The following CRLF3 variants were observed in gnomAD, a reference collection of about 807,000 sequenced individuals.
The protein encoded by CRLF3 is cytokine receptor like factor 3, also known as cytokine receptor-like factor 3.
A neutral mutation model predicts 55.0 loss-of-function variants in CRLF3; 33 were observed. That is an observed-to-expected ratio of 0.60 (90% CI 0.46 to 0.80). The LOEUF (loss-of-function observed/expected upper bound fraction) is 0.80. Ranked by LOEUF, CRLF3 falls within the 30% of genes least tolerant of loss-of-function variation. CRLF3 has a pLI of 0.00. For missense variants in CRLF3, 494 were observed against 538.4 expected, an observed-to-expected ratio of 0.92 and a Z score of 0.82; for synonymous variants, 238 against 196.8, an observed-to-expected ratio of 1.21 and a Z score of -1.75.
intron 1 of CRLF3, among the ~76,000 whole-genome samples, chr17:30,822,541 A>G (rs1288773911): frequency 1.3e-5 from 2 of 152,260 alleles, no homozygotes; most frequent in African/African-American, 4.8e-5. Context: ...TCTGAAGCCC[A>G]AGACAATGGG....
chr17:30,824,440 A>C (rs1597937647), intron 1 of CRLF3, 83 bp downstream of exon 1: 2 of 1,357,320 alleles, frequency 1.5e-6, no homozygotes, highest in Non-Finnish European at 2.0e-6. Flanking sequence ...GGACAGTCCC[A>C]CCCCTCAAAG....
chr17:30,788,599 C>CCTTT (rs1473571497), intron 6 of CRLF3, among the ~76,000 whole-genome samples: 3 of 80,036 alleles, frequency 3.7e-5, no homozygotes, highest in African/African-American at 1.7e-4. Context: ...GTAGTGCCTT[C>CCTTT]TTTTTTTTTT....
chr17:30,785,781 T>TA (rs55664579), intron 7 of CRLF3, 138 bp downstream of exon 7: 28,953 of 423,078 alleles, frequency 0.068, no homozygotes, highest in Middle Eastern at 0.083. Flanking sequence ...GACTTCATAA[T>TA]AAAAAAAAAA....
In CRLF3 at chr17:30,784,008, A is replaced by AT. The variant is rs1971570761; in HGVS notation, c.*178dup. 7.0e-6 allele frequency: 4 copies of AT among 568,870 alleles called. No individual in the cohort carries two copies. In the South Asian group the frequency reaches 7.3e-5, roughly 10 times the overall value. 35.2% of individuals were successfully genotyped at this position (568,870 alleles called of 1,614,324 possible). Reference sequence around the variant, plus strand: ...AAAATAAAATTGACTGAATTGTATGATTTTGTCCACAACATTGAAGTCTCT... The same window carrying AT: ...AAAATAAAATTGACTGAATTGTATGATTTTTGTCCACAACATTGAAGTCTCT... On this transcript the variant is annotated 3_prime_UTR_variant, in exon 8 of 8. Coordinates refer to ENST00000324238, the MANE Select transcript of CRLF3 (RefSeq NM_015986.4).
chr17:30,817,772 G>A (rs1008293467), intron 1 of CRLF3, among the ~76,000 whole-genome samples: 2 of 151,472 alleles, frequency 1.3e-5, no homozygotes, highest in African/African-American at 4.9e-5. Context: ...TGGGTGTGGT[G>A]GCAGGCGCCT....
chr17:30,809,634 CA>C (rs764678189), intron 1 of CRLF3: 5 of 152,118 alleles, frequency 3.3e-5, no homozygotes, highest in Admixed American at 6.6e-5. Context: ...TTCATTACAC[CA>C]TGCTGTTTTG....
chr17:30,789,024 C>CTTATGCATGGAGTCCCCCTTGCATTCACA (rs1971720462), intron 6 of CRLF3, among the ~76,000 whole-genome samples: 2 of 152,146 alleles, frequency 1.3e-5, no homozygotes, highest in Admixed American at 6.6e-5. Context: ...CCCTTATGCC[C>CTTATGCATGGAGTCCCCCTTGCATTCACA]TTATGCATGG....
chr17:30,803,161 G>C (rs1182094566), intron 2 of CRLF3, among the ~76,000 whole-genome samples: 1 of 145,334 alleles, frequency 6.9e-6, no homozygotes, highest in Non-Finnish European at 1.5e-5. Context: ...CAAAACCCCT[G>C]TGTCAAAAAA....
chr17:30,795,450 C>T (rs1971899027), intron 4 of CRLF3, among the ~76,000 whole-genome samples: 2 of 149,298 alleles, frequency 1.3e-5, no homozygotes, highest in Admixed American at 1.4e-4. Flanking sequence ...GAGCCAAGAT[C>T]GTGCCATTGT....
intron 1 of CRLF3, among the ~76,000 whole-genome samples, chr17:30,808,268 A>C (rs1597927470): frequency 7.2e-6 from 1 of 138,614 alleles, no homozygotes; most frequent in African/African-American, 2.7e-5. Context: ...CTCCTCCCCT[A>C]GAACCTATAT....
At chr17:30,788,397 A>C (rs1005605331) in intron 6 of CRLF3, among the ~76,000 whole-genome samples, 2 of 151,570 alleles carry the variant, frequency 1.3e-5, no homozygotes, top group African/African-American at 4.8e-5. Flanking sequence ...CTTAGAAGCA[A>C]GGAAAGAGCA....
intron 7 of CRLF3, among the ~76,000 whole-genome samples, chr17:30,785,667 G>A (rs564042432): frequency 4.0e-5 from 6 of 151,702 alleles, no homozygotes; most frequent in South Asian, 2.1e-4. Context: ...CTGTAGTCCC[G>A]GCTACTCAGG....
chr17:30,809,659 CT>C (rs554751128), intron 1 of CRLF3: 3 of 151,486 alleles, frequency 2.0e-5, no homozygotes, highest in South Asian at 2.1e-4. Context: ...TTACAGGACA[CT>C]TTTTTTTTGA....
At chr17:30,790,108 C>A (rs530402718) in intron 6 of CRLF3, among the ~76,000 whole-genome samples, 2 of 152,030 alleles carry the variant, frequency 1.3e-5, no homozygotes, top group East Asian at 1.9e-4. Context: ...ATCTGACAAC[C>A]GCTGACAATT....
chr17:30,797,404 A>T lies in CRLF3; in HGVS notation c.338-6T>A. On this transcript the variant is annotated splice_region_variant and splice_polypyrimidine_tract_variant and intron_variant, in intron 2 of 7. Coordinates refer to ENST00000324238, the MANE Select transcript of CRLF3 (RefSeq NM_015986.4). ...ACCAAGCATGGCGATTTCACCTACA[A>T]TCAAGAATAAGAGAACTAGAACAAT... 1.9e-6 allele frequency: 3 copies of T among 1,606,914 alleles called. No homozygotes were observed. Among genetic ancestry groups the T allele is most frequent in the Non-Finnish European group, 2.6e-6 (3 of 1,173,470 alleles).
At position 30,793,564 on chromosome 17, in the gene CRLF3, G is replaced by A; in HGVS notation, c.712C>T (p.His238Tyr). The change falls in exon 5 of 8, where the codon CAC (histidine) becomes TAC (tyrosine). Residue 238 changes from histidine to tyrosine, a missense_variant. Physicochemically the swap from His to Tyr is moderately conservative, Grantham distance 83. Transcript: ENST00000324238. The stretch of plus-strand genomic sequence containing the variant: ...TGGTAATCAACGTTGGGGTCTATGT[G>A]CAATACTATGAATTCAGTTTCAGAA... ...VGSETEFIVL[H>Y]IDPNVDYQFR... 6.2e-7 allele frequency: 1 copy of A among 1,613,998 alleles called. No homozygotes were observed. The highest frequency in any genetic ancestry group is 8.5e-7 in the Non-Finnish European group (1 of 1,179,942).
In CRLF3 at chr17:30,784,102, A is replaced by AC. The variant is rs891986421; in HGVS notation, c.*84dup. 8.5e-5 allele frequency: 107 copies of AC among 1,256,156 alleles called. No homozygotes were observed. The African/African-American group carries it at 1.5e-3, about 18-fold the overall frequency. 77.8% of individuals were successfully genotyped at this position (1,256,156 alleles called of 1,614,324 possible). On this transcript the variant is annotated 3_prime_UTR_variant, in exon 8 of 8. Coordinates refer to ENST00000324238, the MANE Select transcript of CRLF3 (RefSeq NM_015986.4). ...ATGGCCTAAGTTAGAGATGAATTCA[A>AC]CTTTTTTTTTAAAGCAATTACAACT...
At chr17:30,790,902 C>T (rs1971783865) in intron 6 of CRLF3, 1 of 151,902 alleles carries the variant, frequency 6.6e-6, no homozygotes, top group Non-Finnish European at 1.5e-5. Flanking sequence ...ATGCATGAGC[C>T]ACAGTGCCCG....
At position 30,782,863 on chromosome 17, in the gene CRLF3, T is replaced by TA. The variant is rs1395830125; in HGVS notation, c.*1323dup. On this transcript the variant is annotated 3_prime_UTR_variant, in exon 8 of 8. Coordinates refer to ENST00000324238, the MANE Select transcript of CRLF3 (RefSeq NM_015986.4). ...CCCCAAATAAATTATCTTACAAAAA[T>TA]ATCATACTTGCTTTTCTACTTTTTT... 1 of 151,958 alleles carries TA rather than the reference T, an allele frequency of 6.6e-6. No individual in the cohort carries two copies. Among genetic ancestry groups the TA allele is most frequent in the Non-Finnish European group, 1.5e-5 (1 of 67,996 alleles). 9.4% of individuals were successfully genotyped at this position (151,958 alleles called of 1,614,324 possible).
Sources: allele counts gnomAD v4.1 joint callset (sites outside exome capture counted in the v4.1 genomes callset), GRCh38; gene constraint gnomAD v4.1.1; transcripts MANE v1.5; gene names NCBI Gene and HGNC (gene_info 2026-07-23, HGNC 2026-07-21).